The following DISP3 variants were observed in gnomAD, a reference collection of about 807,000 sequenced individuals.
The protein encoded by DISP3 is dispatched RND transporter family member 3.
A neutral mutation model predicts 135.3 loss-of-function variants in DISP3; 101 were observed. The observed-to-expected ratio is 0.75, with a 90% CI of 0.64 to 0.88. The LOEUF is 0.88. DISP3 is among the 40% of genes least tolerant of loss of function. DISP3 has a pLI of 0.00. For missense variants in DISP3, 1,713 were observed against 1,878.6 expected (o/e 0.91, Z 1.63); for synonymous variants, 856 against 817.0 (o/e 1.05, Z -0.81).
chr1:11,536,371 C>T lies in DISP3; in HGVS notation c.3864C>T (p.His1288=), dbSNP rs376047760. 1.1e-5 allele frequency: 17 copies of T among 1,608,468 alleles called. No homozygotes were observed. Among genetic ancestry groups the T allele is most frequent in the East Asian group, 8.9e-5 (4 of 44,874 alleles). Residue 1288 remains histidine (H), a synonymous_variant, in exon 21 of 21, where the codon CAC becomes CAT. Coordinates refer to ENST00000294484, the MANE Select transcript of DISP3 (RefSeq NM_020780.2). This position sits in a 1 kb window ranked among gnomAD's most constrained non-coding sequence, Gnocchi z 4.3. ...GGCGTACGCTGGAGGCCGTGCGGCA[C>T]GTGGGCGTGGCCATCGTCTCCAGTG... ...RQWRTLEAVR[H]VGVAIVSSAL...
At position 11,516,083 on chromosome 1, in the gene DISP3, C is replaced by A; in HGVS notation, c.1671C>A (p.Thr557=). 6.2e-7 allele frequency: 1 copy of A among 1,614,172 alleles called. No homozygotes were observed. Among genetic ancestry groups the A allele is most frequent in the Non-Finnish European group, 8.5e-7 (1 of 1,180,016 alleles). ...ACCCACAGCTGCGCATGATCCACAC[C>A]GTCCAAACTGCAGGCAAGGCCACCT... ...LEDPQLRMIH[T]VQTAGKATFF... is the part of the protein sequence containing the mutation. Residue 557 remains threonine (T), a synonymous_variant, in exon 6 of 21, where the codon ACC becomes ACA. Transcript: ENST00000294484. The surrounding 1 kb of genome is among the most constrained non-coding windows in gnomAD (Gnocchi z 5.1).
intron 17 of DISP3, among the ~76,000 whole-genome samples, chr1:11,533,434 T>G (rs902527883): frequency 1.3e-5 from 2 of 151,700 alleles, no homozygotes; most frequent in African/African-American, 2.4e-5. Context: ...TTTTTGTATT[T>G]TCAGTAGAGA....
intron 17 of DISP3, among the ~76,000 whole-genome samples, chr1:11,534,110 CTG>C (rs891549831): frequency 3.3e-5 from 5 of 152,242 alleles, no homozygotes; most frequent in Non-Finnish European, 7.3e-5. Flanking sequence ...AGCATGCACT[CTG>C]TGTGGACAGG....
At chr1:11,526,956 T>C in intron 13 of DISP3, 121 bp downstream of exon 13, 1 of 1,245,248 alleles carries the variant, frequency 8.0e-7, no homozygotes, top group Non-Finnish European at 1.1e-6. Flanking sequence ...TTTTTTTTTT[T>C]TTCTTACTCT....
At position 11,529,241 on chromosome 1, in the gene DISP3, G is replaced by C. The variant is rs933853784; in HGVS notation, c.2799-315G>C. ...CCCTCCTGAACCCTCGTACCCCCGG[G>C]GGACAGTTTGAAAGCTGCTGGTCTT... On this transcript the variant is annotated intron_variant, in intron 13 of 20. Coordinates refer to ENST00000294484, the MANE Select transcript of DISP3 (RefSeq NM_020780.2). The surrounding 1 kb of genome is among the most constrained non-coding windows in gnomAD (Gnocchi z 4.7). 6.6e-6 allele frequency among the ~76,000 whole-genome samples: 1 copy of C among 152,072 alleles called. No homozygotes were observed. Among genetic ancestry groups the C allele is most frequent in the East Asian group, 1.9e-4 (1 of 5,188 alleles).
rs532553018 is a variant in DISP3, at chr1:11,482,354, T to C, written c.-4+2982T>C. ...AAGCAAGTAGACTGCCCATGGGCAGTTGGTTGCTGGCCAGGCTCTGATGCC... is the reference window on the plus strand; with the variant it reads ...AAGCAAGTAGACTGCCCATGGGCAGCTGGTTGCTGGCCAGGCTCTGATGCC... On this transcript the variant is annotated intron_variant, in intron 1 of 20. Transcript: ENST00000294484. Among the ~76,000 whole-genome samples the C allele has an allele frequency of 9.2e-5, 14 of 152,238 alleles. No homozygotes were observed. The South Asian group carries it at 2.3e-3, about 25-fold the overall frequency.
Position 11,535,129 on chromosome 1 carries a change from G to A in DISP3, c.3649+5G>A, listed in dbSNP as rs377582224. On this transcript the variant is annotated splice_donor_5th_base_variant and intron_variant, in intron 19 of 20. Transcript: ENST00000294484. ...CCGTGCTCCTCAGCATCTTGGGTAC[G>A]TGGGCGAGGGGCTGGCAGGCACCCT... 10 of 1,595,682 alleles carry A rather than the reference G, an allele frequency of 6.3e-6. No homozygotes were observed. Among genetic ancestry groups the A allele is most frequent in the South Asian group, 4.5e-5 (4 of 88,128 alleles).
At chr1:11,518,266 A>G (rs1642068733) in intron 7 of DISP3, among the ~76,000 whole-genome samples, 1 of 152,138 alleles carries the variant, frequency 6.6e-6, no homozygotes, top group African/African-American at 2.4e-5. Flanking sequence ...GACCCATGAC[A>G]ATGTCCGCTC....
At chr1:11,515,676 T>C (rs188435674) in intron 5 of DISP3, among the ~76,000 whole-genome samples, 173 bp downstream of exon 5, 1 of 152,162 alleles carries the variant, frequency 6.6e-6, no homozygotes, top group Admixed American at 6.5e-5. Flanking sequence ...ATCCTTGGCA[T>C]AGGGTGAGTG....
Position 11,526,564 on chromosome 1 carries a change from G to A in DISP3, c.2614-87G>A, listed in dbSNP as rs1642424931. 4.9e-6 allele frequency: 7 copies of A among 1,419,808 alleles called. 1 individual carries two copies. In the Admixed American group the frequency reaches 1.2e-4, roughly 25 times the overall value. 88.0% of individuals were successfully genotyped at this position (1,419,808 alleles called of 1,614,324 possible). ...ACTGGGACAGGGTGAACTATGCCGA[G>A]GAGGGAGGGGACGGAGCCTGAGGCT... is the stretch of plus-strand genomic sequence containing the variant. On this transcript the variant is annotated intron_variant, in intron 12 of 20. Coordinates refer to ENST00000294484, the MANE Select transcript of DISP3 (RefSeq NM_020780.2).
intron 18 of DISP3, 67 bp from the exon 19 acceptor site, chr1:11,534,944 C>A (rs41274534): frequency 0.031 from 42,810 of 1,395,010 alleles, 818 homozygotes; most frequent in South Asian, 0.054. Context: ...CAAGGGCTCA[C>A]CCCAGCAGCA....
chr1:11,522,787 AGCCAGAG>A (rs1448994326), intron 10 of DISP3, among the ~76,000 whole-genome samples: 1 of 140,750 alleles, frequency 7.1e-6, no homozygotes, highest in Admixed American at 7.1e-5. Flanking sequence ...GCCAGGGCCC[AGCCAGAG>A]CCCAGCCAGG....
rs370916977 is a variant in DISP3, at chr1:11,492,421, G to A, written c.-3-8569G>A. 1.6e-3 allele frequency among the ~76,000 whole-genome samples: 243 copies of A among 152,212 alleles called. 8 individuals carry two copies. The South Asian group carries it at 0.045, about 28-fold the overall frequency. On this transcript the variant is annotated intron_variant, in intron 1 of 20. Transcript: ENST00000294484. The stretch of plus-strand genomic sequence containing the variant: ...GAGCCATTGGGTTTTTCGAGTCAGC[G>A]CCCATAGTTTCCTCACCAGCTGTCA...
intron 1 of DISP3, among the ~76,000 whole-genome samples, chr1:11,480,677 G>GCA (rs70983561): frequency 0.31 from 44,245 of 142,300 alleles, 7,450 homozygotes; most frequent in Non-Finnish European, 0.39. Flanking sequence ...GCGCGCGCGT[G>GCA]CACACACACA....
intron 3 of DISP3, among the ~76,000 whole-genome samples, chr1:11,510,895 T>G (rs1206940676): frequency 6.6e-6 from 1 of 152,172 alleles, no homozygotes; most frequent in Non-Finnish European, 1.5e-5. Flanking sequence ...TCCACATGGC[T>G]GGGGAGGACT....
intron 4 of DISP3, among the ~76,000 whole-genome samples, chr1:11,514,803 G>T (rs1641956872): frequency 6.6e-6 from 1 of 152,180 alleles, no homozygotes; most frequent in Non-Finnish European, 1.5e-5. Flanking sequence ...TGATAGCCTT[G>T]TGCTGGGGAG....
Position 11,529,646 on chromosome 1 carries a change from T to C in DISP3, c.2889T>C (p.Asp963=). Residue 963 remains aspartate (D), a synonymous_variant, in exon 14 of 21, where the codon GAT becomes GAC. Coordinates refer to ENST00000294484, the MANE Select transcript of DISP3 (RefSeq NM_020780.2). The surrounding 1 kb of genome is among the most constrained non-coding windows in gnomAD (Gnocchi z 4.7). ...GCTGCCTGCTTAGCTCCAGCCCCGA[T>C]GGGCCTACCAAAGGCTTCTTCTTCG... The part of the protein sequence containing the change: ...PPGCLLSSSP[D]GPTKGFFFVP... 1 of 1,609,210 alleles carries C rather than the reference T, an allele frequency of 6.2e-7. No homozygotes were observed. The highest frequency in any genetic ancestry group is 8.5e-7 in the Non-Finnish European group (1 of 1,176,230).
In DISP3 at chr1:11,522,917, C is replaced by G. The variant is rs1220361885; in HGVS notation, c.2363-1025C>G. On this transcript the variant is annotated intron_variant, in intron 10 of 20. Transcript: ENST00000294484. ...GACCCAGCCAGAGCCCAGCCAGGAC[C>G]CAGCAAGGACCCAGCCAGGACCCAG... Among the ~76,000 whole-genome samples the G allele has an allele frequency of 1.5e-4, 20 of 136,332 alleles. 3 individuals are homozygous for G. The highest frequency in any genetic ancestry group is 2.3e-4 in the Non-Finnish European group (14 of 61,640). The allele number at this position is 136,332 out of a possible 152,430, so 89.4% of individuals were successfully genotyped here.
Position 11,535,072 on chromosome 1 carries a change from C to T in DISP3, c.3597C>T (p.Ala1199=), listed in dbSNP as rs1266625691. ...LSLLICVAAV[A]VFTTHILLLL... is the part of the protein sequence containing the mutation. ...TGCTCATCTGCGTGGCCGCGGTGGCCGTGTTCACCACCCACATCCTGCTCC... is the reference window on the plus strand; with the variant it reads ...TGCTCATCTGCGTGGCCGCGGTGGCTGTGTTCACCACCCACATCCTGCTCC... The change falls in exon 19 of 21, where the codon GCC becomes GCT. Residue 1199 remains alanine (A), a synonymous_variant. Coordinates refer to ENST00000294484, the MANE Select transcript of DISP3 (RefSeq NM_020780.2). The T allele has an allele frequency of 5.6e-6, 9 of 1,608,864 alleles. No homozygotes were observed. Among genetic ancestry groups the T allele is most frequent in the South Asian group, 3.3e-5 (3 of 89,788 alleles).
Sources: allele counts gnomAD v4.1 joint callset (sites outside exome capture counted in the v4.1 genomes callset), GRCh38; gene constraint gnomAD v4.1.1; non-coding constraint Gnocchi (gnomAD v3.1); transcripts MANE v1.5; gene names NCBI Gene and HGNC (gene_info 2026-07-23, HGNC 2026-07-21).